The following MID1 variants were observed in gnomAD, a reference collection of about 807,000 sequenced individuals.
MID1 encodes E3 ubiquitin-protein ligase Midline-1.
A neutral mutation model predicts 40.4 loss-of-function variants in MID1; 7 were observed. The observed-to-expected ratio is 0.17, with a 90% CI of 0.10 to 0.33. The LOEUF (loss-of-function observed/expected upper bound fraction) is 0.33. MID1 is among the 10% of genes least tolerant of loss of function. The pLI is 1.00. For missense variants in MID1, 367 were observed against 558.5 expected (o/e 0.66, Z 3.46); for synonymous variants, 229 against 221.2 (o/e 1.04, Z -0.31).
intron 1 of MID1, among the ~76,000 whole-genome samples, chrX:10,715,386 C>A (rs768168910): frequency 8.9e-6 from 1 of 112,320 alleles, no homozygotes. Flanking sequence ...AAACGGCACA[C>A]CAGGAGATTA....
intron 1 of MID1, among the ~76,000 whole-genome samples, chrX:10,821,603 G>A (rs760884800): frequency 7.2e-5 from 8 of 111,765 alleles, no homozygotes; most frequent in Non-Finnish European, 1.5e-4. Flanking sequence ...TCCTCCTTTC[G>A]TAAAGATACC....
Position 10,799,420 on chromosome X carries a change from G to T in MID1, c.-187+34134C>A, listed in dbSNP as rs150551970. Among the ~76,000 whole-genome samples the T allele has an allele frequency of 1.4e-4, 16 of 111,960 alleles. No individual in the cohort carries two copies. The East Asian group carries it at 3.9e-3, about 27-fold the overall frequency. The stretch of plus-strand genomic sequence containing the variant: ...ACAACAAATACTTTAGAGTTGGAAG[G>T]CAACTTAGATTTCTATTTGTGCACA... On this transcript the variant is annotated intron_variant, in intron 1 of 10. Coordinates refer to the MID1 transcript ENST00000380785.
At position 10,689,623 on chromosome X, in the gene MID1, A is replaced by G. The variant is rs778255924; in HGVS notation, c.-186-69204T>C. Among the ~76,000 whole-genome samples the G allele has an allele frequency of 1.8e-4, 20 of 111,174 alleles. No individual in the cohort carries two copies. In the South Asian group the frequency reaches 6.4e-3, roughly 36 times the overall value. On this transcript the variant is annotated intron_variant, in intron 1 of 10. Transcript: ENST00000380785. ...TATCCATATCTATACCTAAATCTCT[A>G]TCTGCCTGTCTAGTCTTTTTTTCTG...
chrX:10,647,728 A>G (rs765987634), intron 1 of MID1, among the ~76,000 whole-genome samples: 1 of 111,239 alleles, frequency 9.0e-6, no homozygotes, highest in Non-Finnish European at 1.9e-5. Context: ...TTTGTGTGGG[A>G]AAGCATGGAA....
At chrX:10,792,549 A>T (rs1419193388) in intron 1 of MID1, among the ~76,000 whole-genome samples, 1 of 112,389 alleles carries the variant, frequency 8.9e-6, no homozygotes, top group Non-Finnish European at 1.9e-5. Context: ...ATTTTGAAAT[A>T]TATAAATAAA....
At chrX:10,607,186 G>C (rs1332773165) in intron 1 of MID1, among the ~76,000 whole-genome samples, 1 of 112,283 alleles carries the variant, frequency 8.9e-6, no homozygotes, top group Non-Finnish European at 1.9e-5. Context: ...ACCAAAACCT[G>C]ATCCCCGCTG....
At chrX:10,709,178 G>A (rs2043249410) in intron 1 of MID1, among the ~76,000 whole-genome samples, 1 of 112,247 alleles carries the variant, frequency 8.9e-6, no homozygotes, top group East Asian at 2.8e-4. Flanking sequence ...AATCTCCAAT[G>A]TTCTGACTTC....
rs773613255 is a variant in MID1 at position 10,566,532 on chromosome X, CCTCT to C, written c.660+352_660+355del. 5.1e-3 allele frequency among the ~76,000 whole-genome samples: 270 copies of C among 52,814 alleles called. 2 individuals carry two copies. Among genetic ancestry groups the C allele is most frequent in the African/African-American group, 0.012 (207 of 16,704 alleles). 45.9% of individuals were successfully genotyped at this position (52,814 alleles called of 115,157 possible). A position where few individuals can be genotyped will look rare whatever the true frequency, so the allele number is the denominator to read the frequency against. On this transcript the variant is annotated intron_variant, in intron 2 of 9. Coordinates refer to ENST00000317552, the MANE Select transcript of MID1 (RefSeq NM_000381.4). ...CTCTCCCTCTCTCTCCCTCTCTCTC[CCTCT>C]CTCTCTCTCTCTCTCTCTCTCTCTC...
At position 10,686,978 on chromosome X, in the gene MID1, C is replaced by T. The variant is rs923712971; in HGVS notation, c.-186-66559G>A. 4.5e-5 allele frequency among the ~76,000 whole-genome samples: 5 copies of T among 111,464 alleles called. No homozygotes were observed. In the Admixed American group the frequency reaches 4.8e-4, roughly 11 times the overall value. On this transcript the variant is annotated intron_variant, in intron 1 of 10. Transcript: ENST00000380785. ...GGTGGAGGTGTCTGTGGACCCCATTCCAGGAGTGAGATAGCAAGTCCTTCC... is the reference window on the plus strand; with the variant it reads ...GGTGGAGGTGTCTGTGGACCCCATTTCAGGAGTGAGATAGCAAGTCCTTCC...
At chrX:10,577,771 GT>G (rs1390763699) in intron 1 of MID1, among the ~76,000 whole-genome samples, 10,146 of 103,940 alleles carry the variant, frequency 0.098, 883 homozygotes, top group African/African-American at 0.27. Flanking sequence ...ATGGAAAGAA[GT>G]AATCTTTTAA....
At chrX:10,664,742 G>T in intron 1 of MID1, among the ~76,000 whole-genome samples, 1 of 111,722 alleles carries the variant, frequency 9.0e-6, no homozygotes, top group Non-Finnish European at 1.9e-5. Context: ...ACTTGAGCTG[G>T]TAAAGCCTCC....
At chrX:10,658,556 T>C (rs1463565514) in intron 1 of MID1, among the ~76,000 whole-genome samples, 1 of 107,384 alleles carries the variant, frequency 9.3e-6, no homozygotes. Context: ...GCCTTTTGAG[T>C]AGGCTAAATA....
At chrX:10,606,057 T>C (rs1049075250) in intron 1 of MID1, among the ~76,000 whole-genome samples, 12 of 111,719 alleles carry the variant, frequency 1.1e-4, no homozygotes, top group African/African-American at 3.9e-4. Context: ...ATCCAAATCT[T>C]CCAAATGTAA....
At chrX:10,508,721 A>T (rs1286881308) in intron 3 of MID1, among the ~76,000 whole-genome samples, 1 of 111,914 alleles carries the variant, frequency 8.9e-6, no homozygotes, top group African/African-American at 3.2e-5. Context: ...GGAAATTAAA[A>T]TTCTGTTTCA....
At chrX:10,681,104 G>C (rs1288859804) in intron 1 of MID1, among the ~76,000 whole-genome samples, 1 of 108,100 alleles carries the variant, frequency 9.3e-6, no homozygotes, top group East Asian at 2.8e-4. Flanking sequence ...GTTCACAGAC[G>C]TATATATATG....
chrX:10,545,009 TGCA>T (rs1301460433), intron 2 of MID1, among the ~76,000 whole-genome samples: 1 of 112,180 alleles, frequency 8.9e-6, no homozygotes, highest in East Asian at 2.8e-4. Context: ...TAGGCTGAAG[TGCA>T]GTGGTGTGAT....
intron 7 of MID1, among the ~76,000 whole-genome samples, chrX:10,460,696 G>A (rs967735181): frequency 9.0e-6 from 1 of 110,589 alleles, no homozygotes; most frequent in Non-Finnish European, 1.9e-5. Context: ...CACTTCCAGA[G>A]GACTCCAAAG....
At chrX:10,724,297 G>A (rs1378588842) in intron 1 of MID1, among the ~76,000 whole-genome samples, 1 of 111,523 alleles carries the variant, frequency 9.0e-6, no homozygotes, top group Non-Finnish European at 1.9e-5. Context: ...GGGCTCAAAT[G>A]ATCTATCTGC....
chrX:10,773,304 T>A (rs1290114371), intron 1 of MID1, among the ~76,000 whole-genome samples: 4 of 112,158 alleles, frequency 3.6e-5, no homozygotes, highest in African/African-American at 1.3e-4. Context: ...ATGTATTGCC[T>A]TTGATGAATT....
Sources: gnomAD v4.1 joint callset for allele counts (sites outside exome capture counted in the v4.1 genomes callset) on GRCh38, gnomAD v4.1.1 for gene constraint, MANE v1.5 for transcripts, NCBI Gene and HGNC (gene_info 2026-07-23, HGNC 2026-07-21) for gene names.